The following STK32B variants were observed in gnomAD, a reference collection of about 807,000 sequenced individuals.
STK32B encodes the protein serine/threonine-protein kinase 32B.
Under a neutral mutation model 52.6 loss-of-function variants are expected in STK32B, and 43 were observed. That is an observed-to-expected ratio of 0.82 (90% CI 0.64 to 1.05). STK32B has a LOEUF of 1.05. Among genes scored for constraint, STK32B ranks in the 50% least tolerant of loss-of-function variants. The pLI is 0.00. For missense variants in STK32B, 621 were observed against 534.6 expected, an observed-to-expected ratio of 1.16 and a Z score of -1.59; for synonymous variants, 238 against 204.3, an observed-to-expected ratio of 1.17 and a Z score of -1.41.
intron 2 of STK32B, chr4:5,140,390 CAA>C: frequency 1.0e-6 from 1 of 959,870 alleles, no homozygotes; most frequent in Non-Finnish European, 1.3e-6. Flanking sequence ...TTTTAGAAAA[CAA>C]AAATACTCCC....
intron 6 of STK32B, among the ~76,000 whole-genome samples, chr4:5,438,909 A>G (rs1380282924): frequency 6.6e-6 from 1 of 151,784 alleles, no homozygotes; most frequent in African/African-American, 2.4e-5. Flanking sequence ...AATTTCATCC[A>G]TGTCCCTACA....
At chr4:5,160,774 T>C (rs1718378697) in intron 2 of STK32B, among the ~76,000 whole-genome samples, 1 of 152,016 alleles carries the variant, frequency 6.6e-6, no homozygotes, top group Admixed American at 6.5e-5. Flanking sequence ...GAGTGGACAA[T>C]GGATGCACGA....
chr4:5,492,318 G>A (rs2108727436), intron 11 of STK32B, among the ~76,000 whole-genome samples: 1 of 152,158 alleles, frequency 6.6e-6, no homozygotes, highest in East Asian at 1.9e-4. Context: ...TGGATTCCTA[G>A]GTATTTTATT....
At chr4:5,438,262 AGCTTCGG>A (rs1309709126) in intron 6 of STK32B, among the ~76,000 whole-genome samples, 1 of 152,240 alleles carries the variant, frequency 6.6e-6, no homozygotes, top group Non-Finnish European at 1.5e-5. Flanking sequence ...GCTGAAGCCC[AGCTTCGG>A]GCTCAGTGGT....
At chr4:5,206,206 C>T (rs1280925783) in intron 3 of STK32B, among the ~76,000 whole-genome samples, 1 of 152,150 alleles carries the variant, frequency 6.6e-6, no homozygotes, top group Non-Finnish European at 1.5e-5. Context: ...CACAAATAAC[C>T]CTTAGAAGCT....
chr4:5,481,874 T>A (rs1363044783), intron 11 of STK32B, among the ~76,000 whole-genome samples: 1 of 152,206 alleles, frequency 6.6e-6, no homozygotes, highest in Non-Finnish European at 1.5e-5. Context: ...TTGTCAGGTT[T>A]GTCAAAGATC....
intron 3 of STK32B, among the ~76,000 whole-genome samples, chr4:5,278,744 G>A (rs1311865509): frequency 6.6e-6 from 1 of 152,054 alleles, no homozygotes; most frequent in Non-Finnish European, 1.5e-5. Context: ...AGATTTAATT[G>A]TCTCAGTTCC....
At chr4:5,269,912 T>C (rs567048087) in intron 3 of STK32B, among the ~76,000 whole-genome samples, 21 of 152,136 alleles carry the variant, frequency 1.4e-4, no homozygotes, top group Non-Finnish European at 2.4e-4. Flanking sequence ...AATAAAAGAA[T>C]AATAGTGAGA....
intron 1 of STK32B, among the ~76,000 whole-genome samples, chr4:5,082,090 C>A (rs2108776276): frequency 6.6e-6 from 1 of 152,230 alleles, no homozygotes; most frequent in East Asian, 1.9e-4. Context: ...TTTCTTAGAC[C>A]TCTTATACAG....
chr4:5,494,267 A>G (rs1421988156), intron 11 of STK32B, among the ~76,000 whole-genome samples: 1 of 152,128 alleles, frequency 6.6e-6, no homozygotes, highest in African/African-American at 2.4e-5. Flanking sequence ...GTGCTCCTGT[A>G]TTGGGTGCAC....
chr4:5,040,090 G>A, the STK32B span, among the ~76,000 whole-genome samples: 3 of 152,124 alleles, frequency 2.0e-5, no homozygotes, highest in Non-Finnish European at 4.4e-5. Flanking sequence ...AGATGCGGTC[G>A]GTGCATGTGT....
rs368625550 is a variant in STK32B, at chr4:5,235,909, CACTT to C, written c.260+67463_260+67466del. Among the ~76,000 whole-genome samples the C allele has an allele frequency of 2.4e-4, 37 of 152,264 alleles. No homozygotes were observed. In the South Asian group the frequency reaches 6.8e-3, roughly 28 times the overall value. Reference sequence around the variant, plus strand: ...CAGGGGGAGGCAGCTTCCTGCCCATCACTTACTAGCTCTTTAAAGGAAGCAGGGA... The same window carrying C: ...CAGGGGGAGGCAGCTTCCTGCCCATCACTAGCTCTTTAAAGGAAGCAGGGA... On this transcript the variant is annotated intron_variant, in intron 3 of 11. Transcript: ENST00000282908.
chr4:5,252,616 T>G (rs7694848), intron 3 of STK32B, among the ~76,000 whole-genome samples: 211 of 152,324 alleles, frequency 1.4e-3, no homozygotes, highest in African/African-American at 4.6e-3. Flanking sequence ...AGCCATCCCC[T>G]CTACTCTAGG....
intron 3 of STK32B, among the ~76,000 whole-genome samples, chr4:5,181,186 A>T (rs1720321583): frequency 6.6e-6 from 1 of 152,186 alleles, no homozygotes; most frequent in African/African-American, 2.4e-5. Flanking sequence ...TCAAATTCAT[A>T]TGTTGAAACC....
At chr4:5,182,098 C>G (rs899566380) in intron 3 of STK32B, among the ~76,000 whole-genome samples, 2 of 152,214 alleles carry the variant, frequency 1.3e-5, no homozygotes, top group Admixed American at 1.3e-4. Flanking sequence ...TCAGAAACTA[C>G]TTTCTTTGTT....
chr4:5,144,244 T>A (rs1422351249), intron 2 of STK32B, among the ~76,000 whole-genome samples: 1 of 152,094 alleles, frequency 6.6e-6, no homozygotes, highest in Non-Finnish European at 1.5e-5. Context: ...GCACTTTGAG[T>A]CTCTGTGTCT....
At chr4:5,463,667 A>C (rs1717210711) in intron 9 of STK32B, among the ~76,000 whole-genome samples, 1 of 152,036 alleles carries the variant, frequency 6.6e-6, no homozygotes, top group Non-Finnish European at 1.5e-5. Context: ...ACACACAAGC[A>C]AGCCCCCTAC....
chr4:5,102,277 A>G (rs917537726), intron 1 of STK32B, among the ~76,000 whole-genome samples: 8 of 152,178 alleles, frequency 5.3e-5, no homozygotes, highest in Non-Finnish European at 1.0e-4. Flanking sequence ...TGCAGATTAC[A>G]TGGCCACCAT....
chr4:5,339,197 T>G (rs1732908601), intron 4 of STK32B, among the ~76,000 whole-genome samples: 1 of 152,220 alleles, frequency 6.6e-6, no homozygotes, highest in Non-Finnish European at 1.5e-5. Context: ...TTACACCACT[T>G]GCTGTCCTGG....
Sources: gnomAD v4.1 joint callset for allele counts (sites outside exome capture counted in the v4.1 genomes callset) on GRCh38, gnomAD v4.1.1 for gene constraint, MANE v1.5 for transcripts, NCBI Gene and HGNC (gene_info 2026-07-23, HGNC 2026-07-21) for gene names.